The following RRAS2 variants were observed in gnomAD, a reference collection of about 807,000 sequenced individuals.
RRAS2 encodes the protein ras-related protein R-Ras2.
Under a neutral mutation model 27.6 loss-of-function variants are expected in RRAS2, and 7 were observed. The observed-to-expected ratio is 0.25, with a 90% CI of 0.14 to 0.48. The LOEUF is 0.48. Among genes scored for constraint, RRAS2 ranks in the 20% least tolerant of loss-of-function variants. RRAS2 has a pLI of 0.99. For missense variants in RRAS2, 178 were observed against 256.2 expected, an observed-to-expected ratio of 0.69 and a Z score of 2.08; for synonymous variants, 86 against 90.9, an observed-to-expected ratio of 0.95 and a Z score of 0.31.
At chr11:14,284,487 T>C (rs1849614051) in intron 4 of RRAS2, among the ~76,000 whole-genome samples, 1 of 152,190 alleles carries the variant, frequency 6.6e-6, no homozygotes, top group African/African-American at 2.4e-5. Context: ...GGGTAAAGGG[T>C]ACACTTAATG....
At chr11:14,332,214 T>C (rs1848493860) in intron 1 of RRAS2, among the ~76,000 whole-genome samples, 1 of 152,222 alleles carries the variant, frequency 6.6e-6, no homozygotes, top group Admixed American at 6.5e-5. Context: ...CAATGACTTG[T>C]ACATCAATGT....
chr11:14,315,424 G>A (rs1044940206), intron 1 of RRAS2, among the ~76,000 whole-genome samples: 3 of 152,146 alleles, frequency 2.0e-5, no homozygotes, highest in Non-Finnish European at 4.4e-5. Flanking sequence ...TACTTAATGA[G>A]TACTCTTCAA....
intron 1 of RRAS2, among the ~76,000 whole-genome samples, chr11:14,322,142 T>G (rs1220844446): frequency 6.6e-6 from 1 of 152,008 alleles, no homozygotes; most frequent in Non-Finnish European, 1.5e-5. Context: ...TCAGGAAATA[T>G]CAAATATGCT....
intron 1 of RRAS2, among the ~76,000 whole-genome samples, chr11:14,329,114 TATATA>T (rs1554951598): frequency 5.3e-5 from 8 of 151,282 alleles, no homozygotes; most frequent in Middle Eastern, 3.4e-3. Flanking sequence ...TACATATATA[TATATA>T]TTTTTTTTGA....
chr11:14,284,116 G>A (rs1048213219), intron 4 of RRAS2, among the ~76,000 whole-genome samples: 8 of 151,866 alleles, frequency 5.3e-5, no homozygotes, highest in Non-Finnish European at 1.2e-4. Flanking sequence ...ATTTCTTAAG[G>A]AAGAAACTAA....
chr11:14,288,967 A>AC (rs1554945434), intron 4 of RRAS2, among the ~76,000 whole-genome samples: 2 of 152,176 alleles, frequency 1.3e-5, no homozygotes, highest in African/African-American at 4.8e-5. Context: ...TTTAGTGCAT[A>AC]CCTCTGTTCT....
At chr11:14,312,497 G>A (rs988769557) in intron 1 of RRAS2, among the ~76,000 whole-genome samples, 6 of 152,100 alleles carry the variant, frequency 3.9e-5, no homozygotes, top group Non-Finnish European at 8.8e-5. Context: ...ACGGCTTACT[G>A]CTGGCTTGAA....
chr11:14,300,355 T>C (rs1439379449), intron 1 of RRAS2, among the ~76,000 whole-genome samples: 1 of 152,158 alleles, frequency 6.6e-6, no homozygotes, highest in Non-Finnish European at 1.5e-5. Flanking sequence ...AGCTATCACA[T>C]TCAGACAGAG....
At chr11:14,311,696 A>T (rs1397179365) in intron 1 of RRAS2, among the ~76,000 whole-genome samples, 5 of 152,108 alleles carry the variant, frequency 3.3e-5, no homozygotes, top group Non-Finnish European at 7.4e-5. Flanking sequence ...GTATTTAAGA[A>T]AATATAGGTC....
chr11:14,336,944 A>T (rs781907374), intron 1 of RRAS2: 2 of 152,184 alleles, frequency 1.3e-5, no homozygotes, highest in Admixed American at 6.5e-5. Flanking sequence ...TCATAATTAA[A>T]CTTCTAAAAA....
intron 1 of RRAS2, among the ~76,000 whole-genome samples, chr11:14,318,659 G>A (rs1554949848): frequency 6.6e-6 from 1 of 152,190 alleles, no homozygotes; most frequent in African/African-American, 2.4e-5. Flanking sequence ...TCCCAGTGCT[G>A]TAGTCATTCC....
intron 1 of RRAS2, among the ~76,000 whole-genome samples, chr11:14,353,213 G>T (rs1291667201): frequency 2.6e-5 from 4 of 152,040 alleles, no homozygotes; most frequent in Non-Finnish European, 5.9e-5. Flanking sequence ...CAAAGCTTAG[G>T]AAAGACCATG....
intron 1 of RRAS2, among the ~76,000 whole-genome samples, chr11:14,303,306 AACTGATATAC>A (rs2133973775): frequency 6.6e-6 from 1 of 152,354 alleles, no homozygotes; most frequent in African/African-American, 2.4e-5. Flanking sequence ...ATGTATGAAT[AACTGATATAC>A]TGAGTTAAAC....
chr11:14,337,800 A>G (rs1489027441), intron 1 of RRAS2, among the ~76,000 whole-genome samples: 2 of 152,166 alleles, frequency 1.3e-5, no homozygotes, highest in Non-Finnish European at 2.9e-5. Context: ...ATGTACAGTA[A>G]ATTTTTTAAA....
chr11:14,347,637 T>C (rs562860942), intron 1 of RRAS2, among the ~76,000 whole-genome samples: 10 of 152,052 alleles, frequency 6.6e-5, no homozygotes, highest in Admixed American at 5.2e-4. Context: ...CTGGGCAACA[T>C]AGCGAGACCT....
At chr11:14,337,979 A>G (rs1302901904) in intron 1 of RRAS2, among the ~76,000 whole-genome samples, 4 of 152,194 alleles carry the variant, frequency 2.6e-5, no homozygotes, top group Non-Finnish European at 4.4e-5. Flanking sequence ...AAAAATATGG[A>G]CAAACTCCAT....
intron 1 of RRAS2, chr11:14,342,087 G>A (rs1423669019): frequency 2.4e-6 from 1 of 420,008 alleles, no homozygotes; most frequent in African/African-American, 2.1e-5. Flanking sequence ...TACATCAAGT[G>A]TGCTTTTGGG....
Position 14,358,752 on chromosome 11 carries a change from G to C in RRAS2, c.108+11C>G. The C allele has an allele frequency of 7.2e-7, 1 of 1,395,002 alleles. No homozygotes were observed. The highest frequency in any genetic ancestry group is 1.5e-5 in the South Asian group (1 of 67,572). 86.4% of individuals were successfully genotyped at this position (1,395,002 alleles called of 1,614,324 possible). ...CCGCTCCGGCGCCCCGGGCAGGCCC[G>C]CTCCAGGTACCTGGATGAACTGGAT... On this transcript the variant is annotated intron_variant, in intron 1 of 5. Transcript: ENST00000256196. The surrounding 1 kb of genome is among the most constrained non-coding windows in gnomAD (Gnocchi z 5.1).
chr11:14,327,358 A>G (rs1848384023), intron 1 of RRAS2, among the ~76,000 whole-genome samples: 1 of 152,198 alleles, frequency 6.6e-6, no homozygotes, highest in Admixed American at 6.5e-5. Flanking sequence ...AATGCAAAAT[A>G]AAGGAAGTTG....
Sources: gnomAD v4.1 joint callset for allele counts (sites outside exome capture counted in the v4.1 genomes callset) on GRCh38, gnomAD v4.1.1 for gene constraint, Gnocchi (gnomAD v3.1) non-coding constraint, MANE v1.5 for transcripts, NCBI Gene and HGNC (gene_info 2026-07-23, HGNC 2026-07-21) for gene names.